CABP5: variants seen among roughly 807,000 people sequenced by gnomAD.
CABP5 encodes calcium binding protein 5, also known as calcium-binding protein 5.
A neutral mutation model predicts 21.9 loss-of-function variants in CABP5; 17 were observed. The observed-to-expected ratio is 0.78, with a 90% CI of 0.53 to 1.17. The LOEUF is 1.17. Ranked by LOEUF, CABP5 falls within the 50% of genes most tolerant of loss-of-function variation. CABP5 has a pLI of 0.00. For synonymous variants in CABP5, 85 were observed against 79.4 expected (o/e 1.07, Z -0.37); for missense variants, 229 against 228.9 (o/e 1.00, Z 0.00).
At chr19:48,042,848 C>T (rs1896720) in intron 1 of CABP5, among the ~76,000 whole-genome samples, 10,600 of 152,288 alleles carry the variant, frequency 0.07, 406 homozygotes, top group Middle Eastern at 0.092. Context: ...GCTGGGATCA[C>T]AGGCGTGAGC....
chr19:48,043,789 C>T (rs1967514072), intron 1 of CABP5, 71 bp downstream of exon 1: 2 of 1,265,358 alleles, frequency 1.6e-6, no homozygotes, highest in Non-Finnish European at 1.0e-6. Context: ...ACCATCATGT[C>T]CCCTTCTTTG....
In CABP5 at chr19:48,030,309, ACC is replaced by A. The variant is rs2122356770; in HGVS notation, c.*246_*247del. 1.1e-5 allele frequency: 5 copies of A among 443,078 alleles called. No homozygotes were observed. In the East Asian group the frequency reaches 1.8e-4, roughly 16 times the overall value. The allele number at this position is 443,078 out of a possible 1,614,324, so 27.4% of individuals were successfully genotyped here. On this transcript the variant is annotated 3_prime_UTR_variant, in exon 6 of 6. Transcript: ENST00000293255. Reference sequence around the variant, plus strand: ...TGGAATTTTTGGGGGTGGCAACTGGACCCTCCCACGCTTCCTATTTCCATCCA... The same window carrying A: ...TGGAATTTTTGGGGGTGGCAACTGGACTCCCACGCTTCCTATTTCCATCCA...
intron 1 of CABP5, among the ~76,000 whole-genome samples, chr19:48,042,086 G>C (rs1198477746): frequency 2.0e-5 from 3 of 152,152 alleles, no homozygotes; most frequent in Non-Finnish European, 4.4e-5. Context: ...TAAGGAACCT[G>C]CACAAGGTCA....
chr19:48,032,833 G>A (rs552495045), intron 5 of CABP5, among the ~76,000 whole-genome samples: 133 of 151,952 alleles, frequency 8.8e-4, no homozygotes, highest in Non-Finnish European at 3.2e-4. Context: ...GTTTCACCAC[G>A]TTGGCCCCCC....
intron 4 of CABP5, among the ~76,000 whole-genome samples, chr19:48,034,873 T>C (rs1402540599): frequency 1.3e-5 from 2 of 152,054 alleles, no homozygotes; most frequent in Non-Finnish European, 2.9e-5. Context: ...AGACGGGGTC[T>C]CACTATTTTG....
intron 5 of CABP5, among the ~76,000 whole-genome samples, chr19:48,031,431 T>G (rs1041124231): frequency 3.9e-5 from 6 of 151,942 alleles, no homozygotes; most frequent in African/African-American, 1.5e-4. Flanking sequence ...TCCCAGCTAC[T>G]CCACAGGCTG....
Position 48,030,248 on chromosome 19 carries a change from T to G in CABP5, c.*309A>C. 2.9e-6 allele frequency: 1 copy of G among 350,288 alleles called. No homozygotes were observed. The highest frequency in any genetic ancestry group is 5.1e-6 in the Non-Finnish European group (1 of 195,524). The allele number at this position is 350,288 out of a possible 1,614,324, so 21.7% of individuals were successfully genotyped here. A position where few individuals can be genotyped will look rare whatever the true frequency, so the allele number is the denominator to read the frequency against. ...GAGACTCTGGCAGGTCACAGGGACT[T>G]AGGACTACGTGAAGTGAAAAGATGT... On this transcript the variant is annotated 3_prime_UTR_variant, in exon 6 of 6. Coordinates refer to ENST00000293255, the MANE Select transcript of CABP5 (RefSeq NM_019855.5).
At position 48,030,522 on chromosome 19, in the gene CABP5, C is replaced by T. The variant is rs771659447; in HGVS notation, c.*35G>A. 24 of 1,601,906 alleles carry T rather than the reference C, an allele frequency of 1.5e-5. No individual in the cohort carries two copies. The highest frequency in any genetic ancestry group is 2.0e-5 in the Non-Finnish European group (23 of 1,175,380). On this transcript the variant is annotated 3_prime_UTR_variant, in exon 6 of 6. Coordinates refer to ENST00000293255, the MANE Select transcript of CABP5 (RefSeq NM_019855.5). ...TCCACAAGCGCTTGCTCCATGTTGACCAGGTGGAGAGGGTCTGGAGCTTCC... is the reference window on the plus strand; with the variant it reads ...TCCACAAGCGCTTGCTCCATGTTGATCAGGTGGAGAGGGTCTGGAGCTTCC...
At chr19:48,040,837 A>AGTTG in intron 2 of CABP5, 89 bp from the exon 3 acceptor site, 2 of 1,298,446 alleles carry the variant, frequency 1.5e-6, no homozygotes, top group Non-Finnish European at 2.2e-6. Flanking sequence ...GGCTCCAACT[A>AGTTG]GAGACTCCTT....
chr19:48,039,366 C>T, intron 3 of CABP5, 49 bp from the exon 4 acceptor site: 2 of 1,407,904 alleles, frequency 1.4e-6, no homozygotes, highest in African/African-American at 1.4e-5. Flanking sequence ...CCCTGGCCTT[C>T]CATTACCTCA....
In CABP5 at chr19:48,030,561, C is replaced by A. The variant is rs766598543; in HGVS notation, c.518G>T (p.Arg173Leu). The change falls in exon 6 of 6, where the codon CGC (arginine) becomes CTC (leucine). Residue 173 changes from arginine to leucine, a missense_variant. Arg to Leu is a moderately radical substitution (Grantham distance 102). Coordinates refer to ENST00000293255, the MANE Select transcript of CABP5 (RefSeq NM_019855.5). Reference protein sequence around the residue: ...DFEEFVKMMSR With the variant: ...DFEEFVKMMSL ...TCTGGAGCTTCCAGGACCTCCTCAG[C>A]GAGACATCATCTTCACAAACTCTGC... 12 of 1,612,820 alleles carry A rather than the reference C, an allele frequency of 7.4e-6. No homozygotes were observed. The highest frequency in any genetic ancestry group is 1.0e-5 in the Non-Finnish European group (12 of 1,179,696).
intron 3 of CABP5, among the ~76,000 whole-genome samples, chr19:48,040,163 C>T (rs1967462514): frequency 6.6e-6 from 1 of 152,184 alleles, no homozygotes; most frequent in South Asian, 2.1e-4. Context: ...CAGCTCCAAT[C>T]TCGTGCTCCA....
intron 4 of CABP5, among the ~76,000 whole-genome samples, chr19:48,037,259 C>CTTTTTTTTTTTT (rs57230665): frequency 0.029 from 1,324 of 44,950 alleles, 371 homozygotes; most frequent in East Asian, 0.071. Context: ...TACTATTCAG[C>CTTTTTTTTTTTT]TTTTTTTTTT....
At position 48,030,308 on chromosome 19, in the gene CABP5, G is replaced by A. The variant is rs1967322848; in HGVS notation, c.*249C>T. 2 of 442,176 alleles carry A rather than the reference G, an allele frequency of 4.5e-6. No individual in the cohort carries two copies. Among genetic ancestry groups the A allele is most frequent in the Admixed American group, 8.4e-5 (2 of 23,878 alleles). The allele number at this position is 442,176 out of a possible 1,614,324, so 27.4% of individuals were successfully genotyped here. On this transcript the variant is annotated 3_prime_UTR_variant, in exon 6 of 6. Transcript: ENST00000293255. ...TTGGAATTTTTGGGGGTGGCAACTG[G>A]ACCCTCCCACGCTTCCTATTTCCAT... is the stretch of plus-strand genomic sequence containing the variant.
intron 2 of CABP5, among the ~76,000 whole-genome samples, chr19:48,041,163 C>A (rs1190906468): frequency 3.3e-5 from 5 of 151,136 alleles, no homozygotes; most frequent in Non-Finnish European, 5.9e-5. Flanking sequence ...TCCAGCCTGG[C>A]AACAAGAGCA....
At chr19:48,031,453 T>C (rs1967338976) in intron 5 of CABP5, among the ~76,000 whole-genome samples, 1 of 152,210 alleles carries the variant, frequency 6.6e-6, no homozygotes, top group South Asian at 2.1e-4. Context: ...GGCAGGAGAA[T>C]TGCTTGAACC....
At position 48,029,798 on chromosome 19, in the gene CABP5, C is replaced by CAGAGAGAGAGAGAGAGAGAGAGAGAGAG. The variant is rs72005770; in HGVS notation, c.*731_*758dup. Among the ~76,000 whole-genome samples, 67 of 120,234 alleles carry CAGAGAGAGAGAGAGAGAGAGAGAGAGAG rather than the reference C, an allele frequency of 5.6e-4. 2 individuals carry two copies. The highest frequency in any genetic ancestry group is 4.1e-3 in the Middle Eastern group (1 of 246). 78.9% of individuals were successfully genotyped at this position (120,234 alleles called of 152,430 possible). A position where few individuals can be genotyped will look rare whatever the true frequency, so the allele number is the denominator to read the frequency against. On this transcript the variant is annotated 3_prime_UTR_variant, in exon 6 of 6. Coordinates refer to ENST00000293255, the MANE Select transcript of CABP5 (RefSeq NM_019855.5). ...GGGAGGGGAGACAGAGACAGACAGA[C>CAGAGAGAGAGAGAGAGAGAGAGAGAGAG]AGAGAGAGAGAGAGAGAGAGAGAGA...
rs564715115 is a variant in CABP5 at position 48,029,513 on chromosome 19, G to A, written c.*1044C>T. 6.6e-6 allele frequency among the ~76,000 whole-genome samples: 1 copy of A among 151,982 alleles called. No homozygotes were observed. Among genetic ancestry groups the A allele is most frequent in the African/African-American group, 2.4e-5 (1 of 41,374 alleles). The stretch of plus-strand genomic sequence containing the variant: ...AGATCGATGTCAGGACGTGAGGGAC[G>A]GAACAGACGACCCATCTAACAGAGA... On this transcript the variant is annotated 3_prime_UTR_variant, in exon 6 of 6. Transcript: ENST00000293255.
intron 3 of CABP5, among the ~76,000 whole-genome samples, 157 bp downstream of exon 3, chr19:48,040,448 G>T (rs766822276): frequency 6.6e-6 from 1 of 152,132 alleles, no homozygotes; most frequent in Non-Finnish European, 1.5e-5. Flanking sequence ...TTCAAATGCT[G>T]CCTTCCTGAG....
Sources: gnomAD v4.1 joint callset for allele counts (sites outside exome capture counted in the v4.1 genomes callset) on GRCh38, gnomAD v4.1.1 for gene constraint, MANE v1.5 for transcripts, NCBI Gene and HGNC (gene_info 2026-07-23, HGNC 2026-07-21) for gene names.